Variants in NXN observed in about 807,000 individuals in gnomAD.
NXN encodes nucleoredoxin.
A neutral mutation model predicts 48.6 loss-of-function variants in NXN; 16 were observed. That is an observed-to-expected ratio of 0.33 (90% CI 0.22 to 0.50). The LOEUF (loss-of-function observed/expected upper bound fraction) is 0.50, where lower values mean the gene tolerates loss of function less well. Ranked by LOEUF, NXN falls within the 20% of genes least tolerant of loss-of-function variation. NXN has a pLI of 0.98. For missense variants in NXN, 492 were observed against 605.5 expected (o/e 0.81, Z 1.97); for synonymous variants, 281 against 269.6 (o/e 1.04, Z -0.41).
At chr17:965,162 G>A (rs1359410769) in intron 1 of NXN, among the ~76,000 whole-genome samples, 2 of 152,168 alleles carry the variant, frequency 1.3e-5, no homozygotes, top group East Asian at 3.9e-4. Flanking sequence ...ATGCCCAGCA[G>A]ATAAAGCAGT....
chr17:917,691 A>AC lies in NXN; in HGVS notation c.360+61627dup, dbSNP rs1385570845. ...CCACCCGCTGCAGGCGAGCTTCCCT[A>AC]CCCAATCCGACCTCCTAGACGGACA... is the stretch of plus-strand genomic sequence containing the variant. On this transcript the variant is annotated intron_variant, in intron 1 of 7. Transcript: ENST00000336868. The surrounding 1 kb of genome is among the most constrained non-coding windows in gnomAD (Gnocchi z 4.5). Among the ~76,000 whole-genome samples, 1 of 151,880 alleles carries AC rather than the reference A, an allele frequency of 6.6e-6. No individual in the cohort carries two copies. The highest frequency in any genetic ancestry group is 2.4e-5 in the African/African-American group (1 of 41,340).
chr17:823,329 G>A (rs1372348131), intron 3 of NXN, among the ~76,000 whole-genome samples: 2 of 150,434 alleles, frequency 1.3e-5, no homozygotes, highest in African/African-American at 2.4e-5. Context: ...AACCCAGGAG[G>A]CAAAGGTTGC....
intron 1 of NXN, among the ~76,000 whole-genome samples, chr17:926,504 C>G (rs8082407): frequency 0.011 from 1,584 of 149,842 alleles, 32 homozygotes; most frequent in African/African-American, 0.033. Context: ...TCTCTTTTCT[C>G]TTTATTAACA....
chr17:940,972 T>A (rs1401134948), intron 1 of NXN, among the ~76,000 whole-genome samples: 1 of 144,850 alleles, frequency 6.9e-6, no homozygotes, highest in African/African-American at 2.7e-5. Flanking sequence ...TGAACAAGAT[T>A]CCAGGGTGCA....
At chr17:841,396 C>A (rs62067124) in intron 1 of NXN, among the ~76,000 whole-genome samples, 5,810 of 115,002 alleles carry the variant, frequency 0.051, 417 homozygotes, top group East Asian at 0.2. Context: ...CTCACGCCGG[C>A]GAGCAGGTCC....
chr17:928,497 C>T (rs547538467), intron 1 of NXN, among the ~76,000 whole-genome samples: 37 of 152,268 alleles, frequency 2.4e-4, no homozygotes, highest in African/African-American at 8.7e-4. Flanking sequence ...TAAAAAGATC[C>T]ATTCTGGCTG....
chr17:830,539 C>T lies in NXN; in HGVS notation c.361-4461G>A, dbSNP rs376951569. On this transcript the variant is annotated intron_variant, in intron 1 of 7. Coordinates refer to ENST00000336868, the MANE Select transcript of NXN (RefSeq NM_022463.5). The surrounding 1 kb of genome is among the most constrained non-coding windows in gnomAD (Gnocchi z 4.2). ...GGAGGCCACCTGAGGCCCAAGAGCC[C>T]GTGTGGAGGCTGACTGCGAAAGTCT... Among the ~76,000 whole-genome samples, 84 of 152,156 alleles carry T rather than the reference C, an allele frequency of 5.5e-4. 1 individual carries two copies. The East Asian group carries it at 0.014, about 25-fold the overall frequency.
intron 1 of NXN, among the ~76,000 whole-genome samples, chr17:951,272 C>T (rs932951512): frequency 1.1e-4 from 17 of 149,518 alleles, no homozygotes; most frequent in Non-Finnish European, 2.2e-4. Flanking sequence ...ATTGCTTGAA[C>T]CCGGGAGACA....
At chr17:874,729 A>G (rs2068195893) in intron 1 of NXN, among the ~76,000 whole-genome samples, 1 of 151,228 alleles carries the variant, frequency 6.6e-6, no homozygotes, top group African/African-American at 2.4e-5. Context: ...TGTCTCAAAT[A>G]ATAAATAAAC....
At chr17:885,027 G>A (rs879833873) in intron 1 of NXN, among the ~76,000 whole-genome samples, 80 of 152,206 alleles carry the variant, frequency 5.3e-4, no homozygotes, top group Non-Finnish European at 4.1e-4. Context: ...TTAGGGGTAA[G>A]AGGGACATCT....
intron 1 of NXN, among the ~76,000 whole-genome samples, chr17:841,467 C>T (rs1376585334): frequency 3.3e-4 from 38 of 114,170 alleles, no homozygotes; most frequent in East Asian, 1.1e-3. Flanking sequence ...GCGCATCTCA[C>T]ACGGGCGAGC....
intron 1 of NXN, among the ~76,000 whole-genome samples, chr17:964,968 C>T (rs577561561): frequency 1.7e-4 from 26 of 152,170 alleles, no homozygotes; most frequent in East Asian, 5.8e-4. Context: ...TGAGAGGAGG[C>T]GGGGAGAGGG....
chr17:809,464 G>T (rs527621887), intron 5 of NXN, among the ~76,000 whole-genome samples: 1 of 152,182 alleles, frequency 6.6e-6, no homozygotes, highest in Non-Finnish European at 1.5e-5. Flanking sequence ...AACGAGACAC[G>T]GAGTTTTGAA....
chr17:864,129 G>C, intron 1 of NXN: 1 of 1,444,602 alleles, frequency 6.9e-7, no homozygotes, highest in Non-Finnish European at 9.1e-7. Flanking sequence ...CTCACTTCCG[G>C]TGAAGGGGCA....
chr17:827,759 G>A (rs1212685302), intron 1 of NXN, among the ~76,000 whole-genome samples: 8 of 152,232 alleles, frequency 5.3e-5, no homozygotes, highest in East Asian at 3.8e-4. Context: ...TGAGGGTCCC[G>A]GCAGGAAGGC....
At position 823,713 on chromosome 17, in the gene NXN, G is replaced by C. The variant is rs532087480; in HGVS notation, c.531C>G (p.Pro177=). The C allele has an allele frequency of 2.5e-6, 4 of 1,614,162 alleles. No individual in the cohort carries two copies. The Admixed American group carries it at 6.7e-5, about 27-fold the overall frequency. ...GAGACTGCCCATTGTTTCTAAGCAAGGGCCCTGCAATGACTTCCCTGAAGG... is the reference window on the plus strand; with the variant it reads ...GAGACTGCCCATTGTTTCTAAGCAACGGCCCTGCAATGACTTCCCTGAAGG... ...PKPFREVIAG[P]LLRNNGQSLE... The change falls in exon 3 of 8, where the codon CCC becomes CCG. Residue 177 remains proline, a synonymous_variant. Coordinates refer to ENST00000336868, the MANE Select transcript of NXN (RefSeq NM_022463.5).
At chr17:950,109 AT>A (rs2069092676) in intron 1 of NXN, among the ~76,000 whole-genome samples, 1 of 152,178 alleles carries the variant, frequency 6.6e-6, no homozygotes, top group Admixed American at 6.6e-5. Context: ...CACCTTACAA[AT>A]TCGGTGCCCT....
At chr17:862,690 T>G (rs1051706975) in intron 1 of NXN, among the ~76,000 whole-genome samples, 2 of 152,256 alleles carry the variant, frequency 1.3e-5, no homozygotes, top group African/African-American at 2.4e-5. Flanking sequence ...AGTAGAGTGA[T>G]CTGGCAGACA....
chr17:800,791 T>TG lies in NXN; in HGVS notation c.*157dup. ...CTGCTGATTCCACACCCCAGGGTGCTGGCTGAGGAGTTTACTGCAGAAACA... is the reference window on the plus strand; with the variant it reads ...CTGCTGATTCCACACCCCAGGGTGCTGGGCTGAGGAGTTTACTGCAGAAACA... On this transcript the variant is annotated 3_prime_UTR_variant, in exon 8 of 8. Transcript: ENST00000336868. The TG allele has an allele frequency of 4.6e-6, 2 of 437,500 alleles. No individual in the cohort carries two copies. The highest frequency in any genetic ancestry group is 1.6e-4 in the South Asian group (2 of 12,796). The allele number at this position is 437,500 out of a possible 1,614,324, so 27.1% of individuals were successfully genotyped here. A position where few individuals can be genotyped will look rare whatever the true frequency, so the allele number is the denominator to read the frequency against.
Sources: gnomAD v4.1 joint callset for allele counts (sites outside exome capture counted in the v4.1 genomes callset) on GRCh38, gnomAD v4.1.1 for gene constraint, Gnocchi (gnomAD v3.1) non-coding constraint, MANE v1.5 for transcripts, NCBI Gene and HGNC (gene_info 2026-07-23, HGNC 2026-07-21) for gene names.